Variants in SSBP2 observed in about 807,000 individuals in gnomAD.
The protein encoded by SSBP2 is single-stranded DNA-binding protein 2.
A neutral mutation model predicts 61.8 loss-of-function variants in SSBP2; 17 were observed. The observed-to-expected ratio is 0.28, with a 90% CI of 0.19 to 0.41. The LOEUF (loss-of-function observed/expected upper bound fraction) is 0.41, where lower values mean the gene tolerates loss of function less well. Ranked by LOEUF, SSBP2 falls within the 10% of genes least tolerant of loss-of-function variation. SSBP2 has a pLI of 1.00. For synonymous variants in SSBP2, 139 were observed against 141.3 expected, an observed-to-expected ratio of 0.98 and a Z score of 0.12; for missense variants, 310 against 458.7, an observed-to-expected ratio of 0.68 and a Z score of 2.96.
At chr5:81,638,583 T>C (rs1199414004) in intron 2 of SSBP2, among the ~76,000 whole-genome samples, 2 of 151,768 alleles carry the variant, frequency 1.3e-5, no homozygotes, top group African/African-American at 4.8e-5. Context: ...TAGGTGCTAT[T>C]ATTTTTTTTT....
intron 4 of SSBP2, among the ~76,000 whole-genome samples, chr5:81,515,079 T>G (rs1419625387): frequency 6.6e-6 from 1 of 152,058 alleles, no homozygotes; most frequent in Non-Finnish European, 1.5e-5. Flanking sequence ...GAGCTTTATA[T>G]AGCAACATTC....
chr5:81,720,978 G>GC (rs1755505557), intron 1 of SSBP2, among the ~76,000 whole-genome samples: 1 of 152,054 alleles, frequency 6.6e-6, no homozygotes, highest in Non-Finnish European at 1.5e-5. Flanking sequence ...TCACAGACAT[G>GC]CTTGCTAGGT....
intron 5 of SSBP2, 28 bp from the exon 6 acceptor site, chr5:81,489,337 A>G: frequency 6.4e-7 from 1 of 1,568,060 alleles, no homozygotes; most frequent in Non-Finnish European, 8.7e-7. Flanking sequence ...ATAAACAAAC[A>G]AAACAAAAAA....
chr5:81,454,085 C>A (rs1763965764), intron 10 of SSBP2, among the ~76,000 whole-genome samples: 1 of 152,062 alleles, frequency 6.6e-6, no homozygotes, highest in South Asian at 2.1e-4. Flanking sequence ...TTCATTGCCA[C>A]ATGGTGATTA....
At chr5:81,608,121 C>T (rs1471602408) in intron 4 of SSBP2, among the ~76,000 whole-genome samples, 3 of 152,136 alleles carry the variant, frequency 2.0e-5, no homozygotes, top group Non-Finnish European at 2.9e-5. Context: ...ATTTAACCCA[C>T]TCTTATCCCT....
intron 1 of SSBP2, among the ~76,000 whole-genome samples, chr5:81,674,431 A>G (rs1751808766): frequency 1.3e-5 from 2 of 152,192 alleles, no homozygotes; most frequent in Non-Finnish European, 2.9e-5. Context: ...AAGCCAATTT[A>G]TATCTATGGG....
chr5:81,745,920 T>G (rs1757324493), intron 1 of SSBP2, among the ~76,000 whole-genome samples: 1 of 152,110 alleles, frequency 6.6e-6, no homozygotes. Context: ...TGCTCTAATC[T>G]TAAAACAAAA....
chr5:81,632,201 A>G (rs1238839342), intron 3 of SSBP2, among the ~76,000 whole-genome samples: 1 of 152,212 alleles, frequency 6.6e-6, no homozygotes, highest in African/African-American at 2.4e-5. Flanking sequence ...CATCATTATT[A>G]AATGTGTAAT....
In SSBP2 at chr5:81,470,184, A is replaced by G. The variant is rs567405705; in HGVS notation, c.571-3143T>C. 2.6e-5 allele frequency among the ~76,000 whole-genome samples: 4 copies of G among 152,078 alleles called. No individual in the cohort carries two copies. The South Asian group carries it at 6.2e-4, about 24-fold the overall frequency. On this transcript the variant is annotated intron_variant, in intron 8 of 16. Coordinates refer to ENST00000320672, the MANE Select transcript of SSBP2 (RefSeq NM_012446.5). ...TAACTTCTTTATCCTTCAGATTTCT[A>G]GAGAAGCTAAAACTAGTTGGGTAGT...
intron 4 of SSBP2, among the ~76,000 whole-genome samples, chr5:81,541,729 T>C (rs1025062536): frequency 3.3e-5 from 5 of 152,194 alleles, no homozygotes; most frequent in Admixed American, 1.3e-4. Flanking sequence ...TGTGGAAGAA[T>C]GAAACTGGGC....
chr5:81,713,196 T>G (rs957628769), intron 1 of SSBP2, among the ~76,000 whole-genome samples: 4 of 152,002 alleles, frequency 2.6e-5, no homozygotes, highest in African/African-American at 9.7e-5. Context: ...TCCAAATGGC[T>G]AAATTTGCAG....
chr5:81,641,850 A>G (rs944190065), intron 2 of SSBP2, among the ~76,000 whole-genome samples: 1 of 152,168 alleles, frequency 6.6e-6, no homozygotes. Context: ...AAAGAGAATC[A>G]TGCTCTACTG....
In SSBP2 at chr5:81,473,786, A is replaced by C; in HGVS notation, c.500-16T>G. On this transcript the variant is annotated splice_polypyrimidine_tract_variant and intron_variant, in intron 7 of 16. Coordinates refer to ENST00000320672, the MANE Select transcript of SSBP2 (RefSeq NM_012446.5). Reference sequence around the variant, plus strand: ...TTTGGATGTCCTAAAAAAAGTATGAAGACATTAGCAAAGTAATGAGCATGA... The same window carrying C: ...TTTGGATGTCCTAAAAAAAGTATGACGACATTAGCAAAGTAATGAGCATGA... 6.2e-7 allele frequency: 1 copy of C among 1,612,228 alleles called. No individual in the cohort carries two copies. The highest frequency in any genetic ancestry group is 8.5e-7 in the Non-Finnish European group (1 of 1,178,392).
At chr5:81,458,338 ATG>A (rs1398941303) in intron 10 of SSBP2, among the ~76,000 whole-genome samples, 2 of 152,224 alleles carry the variant, frequency 1.3e-5, no homozygotes, top group Non-Finnish European at 2.9e-5. Flanking sequence ...TAAAAAAATT[ATG>A]TGTTAGTTTT....
intron 2 of SSBP2, among the ~76,000 whole-genome samples, chr5:81,637,477 C>T (rs185901581): frequency 4.6e-5 from 7 of 152,342 alleles, no homozygotes; most frequent in African/African-American, 1.7e-4. Flanking sequence ...TGTATTCTCA[C>T]TGATACATCA....
intron 15 of SSBP2, among the ~76,000 whole-genome samples, chr5:81,436,514 G>T (rs1385388720): frequency 6.6e-6 from 1 of 152,076 alleles, no homozygotes; most frequent in Non-Finnish European, 1.5e-5. Context: ...ATATTTTTTA[G>T]AACTTGAAGT....
chr5:81,589,765 G>C (rs1775350400), intron 4 of SSBP2, among the ~76,000 whole-genome samples: 1 of 152,136 alleles, frequency 6.6e-6, no homozygotes, highest in Non-Finnish European at 1.5e-5. Context: ...CATGGTTCTG[G>C]AGGCTGGAAA....
intron 4 of SSBP2, among the ~76,000 whole-genome samples, chr5:81,550,819 A>G (rs994082032): frequency 2.0e-5 from 3 of 152,212 alleles, no homozygotes; most frequent in Non-Finnish European, 1.5e-5. Context: ...AGAAGAGGCC[A>G]GGCGCGGTGG....
At chr5:81,555,879 T>G (rs1772554383) in intron 4 of SSBP2, among the ~76,000 whole-genome samples, 1 of 152,110 alleles carries the variant, frequency 6.6e-6, no homozygotes, top group Non-Finnish European at 1.5e-5. Context: ...TTTCCAAGTT[T>G]TTACTGCTTT....
Sources: allele counts gnomAD v4.1 joint callset (sites outside exome capture counted in the v4.1 genomes callset), GRCh38; gene constraint gnomAD v4.1.1; transcripts MANE v1.5; gene names NCBI Gene and HGNC (gene_info 2026-07-23, HGNC 2026-07-21).